The following CNGB3 variants were observed in gnomAD, a reference collection of about 807,000 sequenced individuals.
The protein encoded by CNGB3 is cyclic nucleotide gated channel subunit beta 3.
A neutral mutation model predicts 92.8 loss-of-function variants in CNGB3; 86 were observed. That is an observed-to-expected ratio of 0.93 (90% CI 0.78 to 1.11). CNGB3 has a LOEUF of 1.11. CNGB3 is among the 50% of genes least tolerant of loss of function. The pLI, the probability that CNGB3 is intolerant of heterozygous loss-of-function variation, is 0.00. For missense variants in CNGB3, 1,026 were observed against 956.8 expected (o/e 1.07, Z -0.95); for synonymous variants, 333 against 332.7 (o/e 1.00, Z -0.01).
intron 15 of CNGB3, among the ~76,000 whole-genome samples, chr8:86,600,145 C>T (rs554202198): frequency 2.7e-4 from 41 of 152,286 alleles, no homozygotes; most frequent in South Asian, 4.1e-4. Flanking sequence ...GCCCGATAAA[C>T]GTTCAGCTTT....
chr8:86,584,881 T>C (rs1187152387), intron 15 of CNGB3, among the ~76,000 whole-genome samples: 2 of 152,234 alleles, frequency 1.3e-5, no homozygotes. Flanking sequence ...GTGCCTACCA[T>C]GTATTCAGTA....
chr8:86,686,990 T>A (rs1297448161), intron 3 of CNGB3, among the ~76,000 whole-genome samples: 1 of 152,070 alleles, frequency 6.6e-6, no homozygotes, highest in Non-Finnish European at 1.5e-5. Flanking sequence ...AATCTGAAGC[T>A]TAAGCTTTAT....
intron 15 of CNGB3, among the ~76,000 whole-genome samples, chr8:86,599,097 G>A (rs992151908): frequency 3.3e-5 from 5 of 152,190 alleles, no homozygotes; most frequent in Non-Finnish European, 1.5e-5. Context: ...ACCGGCTGAA[G>A]CCATGGCAGA....
chr8:86,674,784 G>T (rs1157776769), intron 3 of CNGB3, among the ~76,000 whole-genome samples: 1 of 152,044 alleles, frequency 6.6e-6, no homozygotes, highest in Non-Finnish European at 1.5e-5. Flanking sequence ...ATAGGGTCTT[G>T]CTCTGCTGCC....
chr8:86,727,365 T>G (rs1275772174), intron 2 of CNGB3, among the ~76,000 whole-genome samples: 1 of 152,172 alleles, frequency 6.6e-6, no homozygotes, highest in Non-Finnish European at 1.5e-5. Flanking sequence ...TTCAGAAAAG[T>G]AAAATAGGAA....
chr8:86,625,027 C>T (rs1053206561), intron 13 of CNGB3, among the ~76,000 whole-genome samples: 1 of 152,168 alleles, frequency 6.6e-6, no homozygotes, highest in African/African-American at 2.4e-5. Context: ...TGCCCTTTGC[C>T]ATGATCAAAA....
intron 3 of CNGB3, among the ~76,000 whole-genome samples, chr8:86,693,902 C>T (rs189506255): frequency 5.9e-5 from 9 of 152,264 alleles, no homozygotes; most frequent in East Asian, 1.9e-4. Flanking sequence ...ACCCTTCCCC[C>T]CCTCTCCATT....
At chr8:86,577,868 G>A (rs571825093) in intron 17 of CNGB3, among the ~76,000 whole-genome samples, 1 of 152,256 alleles carries the variant, frequency 6.6e-6, no homozygotes, top group South Asian at 2.1e-4. Flanking sequence ...AATGTGGAAA[G>A]CATGGCACTA....
intron 10 of CNGB3, among the ~76,000 whole-genome samples, chr8:86,633,225 C>G (rs554568642): frequency 1.4e-4 from 21 of 152,246 alleles, no homozygotes; most frequent in African/African-American, 4.8e-4. Context: ...CCATGATGAC[C>G]GGGCCCTCAG....
intron 3 of CNGB3, among the ~76,000 whole-genome samples, chr8:86,677,888 T>A (rs1824006265): frequency 6.6e-6 from 1 of 152,202 alleles, no homozygotes; most frequent in Non-Finnish European, 1.5e-5. Context: ...ACTCTTGTGT[T>A]TGTTCTCTAA....
intron 15 of CNGB3, among the ~76,000 whole-genome samples, chr8:86,600,304 C>T (rs902772471): frequency 9.9e-5 from 15 of 152,138 alleles, no homozygotes; most frequent in African/African-American, 3.6e-4. Flanking sequence ...TCTTCTAAGG[C>T]CCTGGAGGAC....
chr8:86,680,472 G>A lies in CNGB3; in HGVS notation c.339-9374C>T, dbSNP rs1398923933. Among the ~76,000 whole-genome samples, 3 of 152,284 alleles carry A rather than the reference G, an allele frequency of 2.0e-5. No individual in the cohort carries two copies. The East Asian group carries it at 5.8e-4, about 29-fold the overall frequency. On this transcript the variant is annotated intron_variant, in intron 3 of 17. Coordinates refer to ENST00000320005, the MANE Select transcript of CNGB3 (RefSeq NM_019098.5). ...AGGAAGTGAATACAAGGGACCAGAA[G>A]GGGCCATGGTCAACCATTGGGGTGA...
intron 3 of CNGB3, among the ~76,000 whole-genome samples, chr8:86,694,049 G>C (rs1306347296): frequency 7.5e-6 from 1 of 133,082 alleles, no homozygotes; most frequent in Non-Finnish European, 1.6e-5. Flanking sequence ...CTCACCTCCC[G>C]GACGGGGCGG....
intron 10 of CNGB3, among the ~76,000 whole-genome samples, chr8:86,638,815 T>G (rs1349470433): frequency 6.6e-6 from 1 of 151,932 alleles, no homozygotes; most frequent in African/African-American, 2.4e-5. Context: ...GATCCACTGA[T>G]TCTTTGCTCT....
At chr8:86,599,837 G>A (rs1822252624) in intron 15 of CNGB3, among the ~76,000 whole-genome samples, 1 of 152,124 alleles carries the variant, frequency 6.6e-6, no homozygotes, top group African/African-American at 2.4e-5. Context: ...CAGTCCTGTG[G>A]TCCTGTGATC....
chr8:86,606,911 C>G (rs559430851), intron 14 of CNGB3, among the ~76,000 whole-genome samples: 4 of 152,178 alleles, frequency 2.6e-5, no homozygotes, highest in Non-Finnish European at 4.4e-5. Flanking sequence ...CAGAACTGAT[C>G]TCTTAAAAAC....
intron 3 of CNGB3, among the ~76,000 whole-genome samples, chr8:86,693,480 G>A (rs1412167977): frequency 2.0e-5 from 3 of 146,818 alleles, no homozygotes; most frequent in African/African-American, 7.6e-5. Context: ...TTATTCTTGG[G>A]TGTTTCTCGC....
chr8:86,621,944 G>A (rs1396787455), intron 13 of CNGB3, among the ~76,000 whole-genome samples: 1 of 152,138 alleles, frequency 6.6e-6, no homozygotes, highest in Non-Finnish European at 1.5e-5. Flanking sequence ...TACTCAGGAG[G>A]CTGAGGCAGG....
rs774250292 is a variant in CNGB3, at chr8:86,604,144, C to G, written c.1730G>C (p.Gly577Ala). 1 of 1,613,666 alleles carries G rather than the reference C, an allele frequency of 6.2e-7. No homozygotes were observed. Among genetic ancestry groups the G allele is most frequent in the South Asian group, 1.1e-5 (1 of 91,064 alleles). Residue 577 changes from glycine to alanine, a missense_variant, in exon 15 of 18, where the codon GGT becomes GCT. Physicochemically the swap from Gly to Ala is moderately conservative, Grantham distance 60. Transcript: ENST00000320005. ...GEVQVLGGPD[G>A]TKVLVTLKAG... ...TTTCAGAGTAACCAGAACTTTAGTA[C>G]CATCAGGGCCTCCAAGAACTTGGAC...
Sources: gnomAD v4.1 joint callset for allele counts (sites outside exome capture counted in the v4.1 genomes callset) on GRCh38, gnomAD v4.1.1 for gene constraint, MANE v1.5 for transcripts, NCBI Gene and HGNC (gene_info 2026-07-23, HGNC 2026-07-21) for gene names.